Variants in ARL2 observed in about 807,000 individuals in gnomAD.
ARL2 encodes ADP-ribosylation factor-like protein 2.
Under a neutral mutation model 22.0 loss-of-function variants are expected in ARL2, and 11 were observed. The ratio of observed to expected loss-of-function variants is 0.50; its 90% confidence interval spans 0.31 to 0.83. ARL2 has a LOEUF of 0.83. ARL2 is among the 40% of genes least tolerant of loss of function. ARL2 has a pLI of 0.04. For synonymous variants in ARL2, 111 were observed against 100.8 expected (o/e 1.10, Z -0.61); for missense variants, 216 against 243.2 (o/e 0.89, Z 0.74).
intron 1 of ARL2, among the ~76,000 whole-genome samples, chr11:65,016,279 GA>G (rs1241923883): frequency 2.1e-4 from 29 of 138,444 alleles, no homozygotes; most frequent in Non-Finnish European, 3.5e-4. Context: ...GGGGGGGGGG[GA>G]AACTTTAAAG....
In ARL2 at chr11:65,021,711, G is replaced by A. The variant is rs756093740; in HGVS notation, c.421-10G>A. On this transcript the variant is annotated splice_polypyrimidine_tract_variant and intron_variant, in intron 4 of 4. Coordinates refer to ENST00000246747, the MANE Select transcript of ARL2 (RefSeq NM_001667.4). ...ACTGGCCACCACCATCAGCACCTTT[G>A]TCCTCCCAGGTCCTGGAGCTGGACT... 102 of 1,592,938 alleles carry A rather than the reference G, an allele frequency of 6.4e-5. 1 individual carries two copies. In the South Asian group the frequency reaches 7.1e-4, roughly 11 times the overall value.
chr11:65,018,896 C>A lies in ARL2; in HGVS notation c.339+163C>A. ...CATGGTGCCAGAGGCAGGACACATG[C>A]TGTGGACTGAGATTGAGTTAACGTC... On this transcript the variant is annotated intron_variant, in intron 3 of 4. Coordinates refer to ENST00000246747, the MANE Select transcript of ARL2 (RefSeq NM_001667.4). The surrounding 1 kb of genome is among the most constrained non-coding windows in gnomAD (Gnocchi z 4.2). The A allele has an allele frequency of 6.5e-7, 1 of 1,534,596 alleles. No individual in the cohort carries two copies. The highest frequency in any genetic ancestry group is 8.7e-7 in the Non-Finnish European group (1 of 1,146,312).
chr11:65,021,712 T>C lies in ARL2; in HGVS notation c.421-9T>C, dbSNP rs947647918. On this transcript the variant is annotated splice_polypyrimidine_tract_variant and intron_variant, in intron 4 of 4. Transcript: ENST00000246747. ...CTGGCCACCACCATCAGCACCTTTG[T>C]CCTCCCAGGTCCTGGAGCTGGACTC... 3 of 1,593,196 alleles carry C rather than the reference T, an allele frequency of 1.9e-6. No individual in the cohort carries two copies. The highest frequency in any genetic ancestry group is 2.6e-6 in the Non-Finnish European group (3 of 1,170,064).
Position 65,021,952 on chromosome 11 carries a change from T to TC in ARL2, c.*102dup, listed in dbSNP as rs924892727. On this transcript the variant is annotated 3_prime_UTR_variant, in exon 5 of 5. Coordinates refer to ENST00000246747, the MANE Select transcript of ARL2 (RefSeq NM_001667.4). Reference sequence around the variant, plus strand: ...GGGAGTCAGCCGGCCAAACTAACACTCCCCCTCCTCCACCCCAGCCTGCTG... The same window carrying TC: ...GGGAGTCAGCCGGCCAAACTAACACTCCCCCCTCCTCCACCCCAGCCTGCTG... The TC allele has an allele frequency of 6.1e-6, 9 of 1,466,486 alleles. No homozygotes were observed. Among genetic ancestry groups the TC allele is most frequent in the Non-Finnish European group, 7.3e-6 (8 of 1,090,050 alleles). 90.8% of individuals were successfully genotyped at this position (1,466,486 alleles called of 1,614,324 possible). A position where few individuals can be genotyped will look rare whatever the true frequency, so the allele number is the denominator to read the frequency against.
rs1487077150 is a variant in ARL2, at chr11:65,018,366, G to A, written c.68G>A (p.Gly23Asp). The A allele has an allele frequency of 1.3e-6, 2 of 1,599,832 alleles. No homozygotes were observed. The highest frequency in any genetic ancestry group is 1.7e-6 in the Non-Finnish European group (2 of 1,174,048). ...CTCCTTAACCTGCTGCGCCCCAGTG[G>A]CCTGGACAATGCTGGAAAGACAACC... The part of the protein sequence containing the change: ...KERELRLLML[G>D]LDNAGKTTIL... The change falls in exon 2 of 5, where the codon GGC becomes GAC. Residue 23 changes from glycine to aspartate, a missense_variant and splice_region_variant. Gly to Asp is a moderately conservative substitution (Grantham distance 94). Coordinates refer to ENST00000246747, the MANE Select transcript of ARL2 (RefSeq NM_001667.4). This position sits in a 1 kb window ranked among gnomAD's most constrained non-coding sequence, Gnocchi z 4.2.
At chr11:65,021,549 C>T (rs948222435) in intron 4 of ARL2, 172 bp from the exon 5 acceptor site, 3 of 738,108 alleles carry the variant, frequency 4.1e-6, no homozygotes, top group Non-Finnish European at 6.4e-6. Flanking sequence ...GCCCAGGTGC[C>T]CCTGGGGTCT....
chr11:65,014,705 C>T (rs890313111), intron 1 of ARL2, among the ~76,000 whole-genome samples: 1 of 152,190 alleles, frequency 6.6e-6, no homozygotes, highest in Admixed American at 6.5e-5. Context: ...GTGTGGGCTC[C>T]GCGGATCCTT....
rs116844380 is a variant in ARL2 at position 65,015,416 on chromosome 11, C to T, written c.65+1144C>T. Among the ~76,000 whole-genome samples the T allele has an allele frequency of 8.8e-3, 1,336 of 152,326 alleles. 15 individuals carry two copies. Among genetic ancestry groups the T allele is most frequent in the Non-Finnish European group, 0.015 (994 of 68,026 alleles). On this transcript the variant is annotated intron_variant, in intron 1 of 4. Transcript: ENST00000246747. The stretch of plus-strand genomic sequence containing the variant: ...ATGGGCGTGAGCCACTGCGCCGGGC[C>T]GCATGTCTGCTTTAAAGAGCTCTAA...
intron 3 of ARL2, 69 bp from the exon 4 acceptor site, chr11:65,020,349 TG>T: frequency 2.3e-6 from 3 of 1,312,350 alleles, no homozygotes; most frequent in Non-Finnish European, 3.3e-6. Flanking sequence ...CCAGATGCTC[TG>T]GGCCATTAGA....
intron 3 of ARL2, chr11:65,019,108 G>A (rs996915818): frequency 3.0e-5 from 13 of 432,102 alleles, no homozygotes; most frequent in African/African-American, 1.2e-4. Flanking sequence ...GTGGTGGCAC[G>A]CACCTATAGT....
intron 1 of ARL2, among the ~76,000 whole-genome samples, chr11:65,015,888 G>A (rs1446019059): frequency 6.6e-6 from 1 of 151,590 alleles, no homozygotes; most frequent in Non-Finnish European, 1.5e-5. Flanking sequence ...GGAGAATAAT[G>A]CAATTTAGGG....
At chr11:65,020,966 G>A (rs1946321319) in intron 4 of ARL2, among the ~76,000 whole-genome samples, 1 of 152,230 alleles carries the variant, frequency 6.6e-6, no homozygotes, top group African/African-American at 2.4e-5. Flanking sequence ...GGGCACTGGG[G>A]ATCCAGTGAT....
At chr11:65,015,120 T>G (rs2136900146) in intron 1 of ARL2, among the ~76,000 whole-genome samples, 1 of 150,774 alleles carries the variant, frequency 6.6e-6, no homozygotes, top group South Asian at 2.1e-4. Flanking sequence ...CTGTTTTATT[T>G]TGTTTTGTTT....
At chr11:65,020,169 G>A (rs558959166) in intron 3 of ARL2, among the ~76,000 whole-genome samples, 64 of 152,340 alleles carry the variant, frequency 4.2e-4, no homozygotes, top group Admixed American at 8.5e-4. Context: ...GGAAGCTGGA[G>A]CATGGGGACA....
At position 65,014,231 on chromosome 11, in the gene ARL2, G is replaced by T. The variant is rs776046018; in HGVS notation, c.24G>T (p.Lys8Asn). The change falls in exon 1 of 5, where the codon AAG becomes AAT. Residue 8 changes from lysine to asparagine, a missense_variant. Transcript: ENST00000246747. MGLLTILKKMKQKERELR... is the reference protein window; with the variant it reads MGLLTILNKMKQKERELR... ...CCATGGGGCTCCTGACCATTCTGAA[G>T]AAGATGAAGCAGAAAGAGCGGGAGC... The T allele has an allele frequency of 6.4e-7, 1 of 1,574,768 alleles. No homozygotes were observed. The highest frequency in any genetic ancestry group is 2.6e-5 in the East Asian group (1 of 39,168).
intron 1 of ARL2, among the ~76,000 whole-genome samples, chr11:65,016,860 G>T (rs1418959923): frequency 6.6e-6 from 1 of 152,152 alleles, no homozygotes; most frequent in Non-Finnish European, 1.5e-5. Flanking sequence ...ATGAAGTCAG[G>T]TGAGGAGCAG....
chr11:65,016,578 G>A (rs1051201214), intron 1 of ARL2, among the ~76,000 whole-genome samples: 1 of 152,126 alleles, frequency 6.6e-6, no homozygotes, highest in Non-Finnish European at 1.5e-5. Flanking sequence ...TTAGAAGGGT[G>A]AGGAACCATT....
At chr11:65,017,592 A>G (rs1352482914) in intron 1 of ARL2, among the ~76,000 whole-genome samples, 2 of 152,148 alleles carry the variant, frequency 1.3e-5, no homozygotes, top group African/African-American at 2.4e-5. Context: ...GCTTGGGGGC[A>G]GGGGGTCATC....
At chr11:65,017,328 T>A (rs1206404620) in intron 1 of ARL2, among the ~76,000 whole-genome samples, 5 of 151,832 alleles carry the variant, frequency 3.3e-5, no homozygotes, top group Non-Finnish European at 5.9e-5. Flanking sequence ...CCCGAGTAGC[T>A]GGGACTATAG....
Sources: gnomAD v4.1 joint callset for allele counts (sites outside exome capture counted in the v4.1 genomes callset) on GRCh38, gnomAD v4.1.1 for gene constraint, Gnocchi (gnomAD v3.1) non-coding constraint, MANE v1.5 for transcripts, NCBI Gene and HGNC (gene_info 2026-07-23, HGNC 2026-07-21) for gene names.